Variants in ZNF430 observed in about 807,000 individuals in gnomAD.
ZNF430 encodes zinc finger protein 430.
ZNF430 carries 35 observed loss-of-function variants against 56.7 expected under a neutral mutation model. That is an observed-to-expected ratio of 0.62 (90% CI 0.47 to 0.82). ZNF430 has a LOEUF of 0.82. Ranked by LOEUF, ZNF430 falls within the 40% of genes least tolerant of loss-of-function variation. The pLI, the probability that ZNF430 is intolerant of heterozygous loss-of-function variation, is 0.00. For synonymous variants in ZNF430, 212 were observed against 224.3 expected (o/e 0.94, Z 0.49); for missense variants, 574 against 661.0 (o/e 0.87, Z 1.44).
chr19:21,053,163 AAACT>A (rs1226881186), intron 4 of ZNF430, among the ~76,000 whole-genome samples: 2 of 152,052 alleles, frequency 1.3e-5, no homozygotes, highest in Admixed American at 1.3e-4. Flanking sequence ...TCTATGTTGC[AAACT>A]AACCTAAATT....
chr19:21,050,429 G>C (rs1230679856), intron 4 of ZNF430, among the ~76,000 whole-genome samples: 2 of 152,108 alleles, frequency 1.3e-5, no homozygotes, highest in Non-Finnish European at 2.9e-5. Context: ...ATATAAATCA[G>C]CCATATGTCT....
rs71174793 is a variant in ZNF430, at chr19:21,059,543, C to CAAAAAA, written c.*1536_*1541dup. ...GGGCAACAAGAGTGAAACTCCATTT[C>CAAAAAA]AAAAAAAAAAAAAAAAAAACAACTA... On this transcript the variant is annotated 3_prime_UTR_variant, in exon 5 of 5. Transcript: ENST00000261560. The CAAAAAA allele has an allele frequency of 2.0e-5, 2 of 102,284 alleles. No individual in the cohort carries two copies. The highest frequency in any genetic ancestry group is 2.1e-5 in the Non-Finnish European group (1 of 48,436). 6.3% of individuals were successfully genotyped at this position (102,284 alleles called of 1,614,324 possible).
intron 4 of ZNF430, among the ~76,000 whole-genome samples, chr19:21,047,809 A>G (rs905510780): frequency 6.6e-6 from 1 of 152,184 alleles, no homozygotes; most frequent in Non-Finnish European, 1.5e-5. Context: ...GGTCTCACCC[A>G]GTCAGGATGC....
chr19:21,038,617 G>A (rs899595971), intron 4 of ZNF430, among the ~76,000 whole-genome samples: 6 of 151,858 alleles, frequency 4.0e-5, no homozygotes, highest in South Asian at 2.1e-4. Flanking sequence ...TAGTAGAGAC[G>A]GGGGTTTCAC....
chr19:21,022,353 G>A (rs531091674), intron 1 of ZNF430, among the ~76,000 whole-genome samples: 46 of 152,216 alleles, frequency 3.0e-4, no homozygotes, highest in South Asian at 8.3e-4. Context: ...TCTTTCTGGC[G>A]TTCCCAAATG....
chr19:21,053,755 A>G (rs543315800), intron 4 of ZNF430, among the ~76,000 whole-genome samples: 2 of 152,316 alleles, frequency 1.3e-5, no homozygotes, highest in African/African-American at 4.8e-5. Context: ...AGTTAGTTAT[A>G]TATATGTATG....
Position 21,058,027 on chromosome 19 carries a change from G to A in ZNF430, c.*6G>A, listed in dbSNP as rs1173570019. The A allele has an allele frequency of 1.2e-6, 2 of 1,609,566 alleles. No individual in the cohort carries two copies. Among genetic ancestry groups the A allele is most frequent in the South Asian group, 1.1e-5 (1 of 90,522 alleles). ...GAGAAACCCTACAAATGTGAAGATT[G>A]TGGCAAAGCCTCTAACCCGTCCTGA... On this transcript the variant is annotated 3_prime_UTR_variant, in exon 5 of 5. Transcript: ENST00000261560.
At chr19:21,036,945 C>T (rs994105622) in intron 4 of ZNF430, 4 of 151,842 alleles carry the variant, frequency 2.6e-5, no homozygotes, top group African/African-American at 4.8e-5. Flanking sequence ...CCATTTTACC[C>T]TCTTTCCAGC....
rs376013258 is a variant in ZNF430, at chr19:21,042,737, G to A, written c.322+8553G>A. Among the ~76,000 whole-genome samples the A allele has an allele frequency of 3.2e-4, 48 of 151,740 alleles. 1 individual carries two copies. In the South Asian group the frequency reaches 9.2e-3, roughly 29 times the overall value. ...TGGGAGGCAGAGCTTGCAGTGAGCC[G>A]AGATCGCGCCACTGCACTCTAGCCT... On this transcript the variant is annotated intron_variant, in intron 4 of 4. Transcript: ENST00000261560.
At chr19:21,022,180 A>G (rs1967704717) in intron 1 of ZNF430, among the ~76,000 whole-genome samples, 1 of 152,014 alleles carries the variant, frequency 6.6e-6, no homozygotes, top group African/African-American at 2.4e-5. Flanking sequence ...GTCTAGAGAC[A>G]CCTCAGTCTA....
chr19:21,026,763 A>T (rs921275429), intron 2 of ZNF430, among the ~76,000 whole-genome samples: 9 of 150,292 alleles, frequency 6.0e-5, no homozygotes, highest in African/African-American at 2.2e-4. Context: ...GAATCATGTC[A>T]TCTGCACACA....
In ZNF430 at chr19:21,056,701, A is replaced by G. The variant is rs759968025; in HGVS notation, c.393A>G (p.Ile131Met). Residue 131 changes from isoleucine (I) to methionine (M), a missense_variant, in exon 5 of 5, where the codon ATA (isoleucine) becomes ATG (methionine). Transcript: ENST00000261560. ...QGIKDSFQEVILRRYGKCGHE... is the reference protein window; with the variant it reads ...QGIKDSFQEVMLRRYGKCGHE... ...TAAAAGATTCTTTCCAAGAAGTCATATTGAGAAGATATGGAAAATGTGGAC... is the reference window on the plus strand; with the variant it reads ...TAAAAGATTCTTTCCAAGAAGTCATGTTGAGAAGATATGGAAAATGTGGAC... 1 of 1,605,462 alleles carries G rather than the reference A, an allele frequency of 6.2e-7. No homozygotes were observed. Among genetic ancestry groups the G allele is most frequent in the Non-Finnish European group, 8.5e-7 (1 of 1,175,576 alleles).
At chr19:21,033,404 C>T (rs1967936734) in intron 2 of ZNF430, 52 bp from the exon 3 acceptor site, 4 of 1,565,222 alleles carry the variant, frequency 2.6e-6, no homozygotes, top group Non-Finnish European at 3.5e-6. Context: ...ATAAATTCTG[C>T]CCGTGGCCAC....
intron 4 of ZNF430, among the ~76,000 whole-genome samples, chr19:21,037,057 T>A (rs562017278): frequency 6.6e-6 from 1 of 152,236 alleles, no homozygotes; most frequent in African/African-American, 2.4e-5. Flanking sequence ...GTTACTGGCT[T>A]ATTTCAGGTG....
intron 4 of ZNF430, among the ~76,000 whole-genome samples, chr19:21,046,604 G>T (rs1968189327): frequency 6.6e-6 from 1 of 152,068 alleles, no homozygotes; most frequent in African/African-American, 2.4e-5. Flanking sequence ...ATGAAGCTTA[G>T]TTTTCCTGGA....
At chr19:21,042,547 G>T (rs565989961) in intron 4 of ZNF430, among the ~76,000 whole-genome samples, 1 of 152,244 alleles carries the variant, frequency 6.6e-6, no homozygotes, top group Non-Finnish European at 1.5e-5. Context: ...CAGCACTTTG[G>T]GGGTGCCGAG....
At chr19:21,030,838 T>C (rs1475943929) in intron 2 of ZNF430, among the ~76,000 whole-genome samples, 1 of 150,690 alleles carries the variant, frequency 6.6e-6, no homozygotes, top group Non-Finnish European at 1.5e-5. Flanking sequence ...TGAGAGGCAG[T>C]GCTTAGCTAA....
chr19:21,057,334 G>A lies in ZNF430; in HGVS notation c.1026G>A (p.Glu342=). The A allele has an allele frequency of 6.2e-7, 1 of 1,613,452 alleles. No homozygotes were observed. Among genetic ancestry groups the A allele is most frequent in the Non-Finnish European group, 8.5e-7 (1 of 1,179,976 alleles). The stretch of plus-strand genomic sequence containing the variant: ...CACATAAGATTATTCATACTGGAGA[G>A]AAACCCTACAAATGTGAAGAATGTG... The part of the protein sequence containing the change: ...LTTHKIIHTG[E]KPYKCEECGK... Residue 342 remains glutamate, a synonymous_variant, in exon 5 of 5, where the codon GAG becomes GAA. Transcript: ENST00000261560.
intron 2 of ZNF430, among the ~76,000 whole-genome samples, chr19:21,032,675 C>T (rs758784235): frequency 1.3e-5 from 2 of 151,494 alleles, no homozygotes; most frequent in Non-Finnish European, 1.5e-5. Flanking sequence ...TGCAGTGAGC[C>T]GAGATGGTGT....
Sources: allele counts gnomAD v4.1 joint callset (sites outside exome capture counted in the v4.1 genomes callset), GRCh38; gene constraint gnomAD v4.1.1; transcripts MANE v1.5; gene names NCBI Gene and HGNC (gene_info 2026-07-23, HGNC 2026-07-21).